RASGRF1: variants seen among roughly 807,000 people sequenced by gnomAD.
RASGRF1 encodes Ras protein specific guanine nucleotide releasing factor 1.
Under a neutral mutation model 138.7 loss-of-function variants are expected in RASGRF1, and 40 were observed. That is an observed-to-expected ratio of 0.29 (90% CI 0.22 to 0.38). RASGRF1 has a LOEUF of 0.38. Ranked by LOEUF, RASGRF1 falls within the 10% of genes least tolerant of loss-of-function variation. RASGRF1 has a pLI of 1.00. For missense variants in RASGRF1, 1,108 were observed against 1,650.4 expected (o/e 0.67, Z 5.69); for synonymous variants, 614 against 663.2 (o/e 0.93, Z 1.14).
intron 13 of RASGRF1, among the ~76,000 whole-genome samples, chr15:79,014,696 C>T (rs1218893427): frequency 1.3e-5 from 2 of 152,028 alleles, no homozygotes; most frequent in East Asian, 1.9e-4. Flanking sequence ...AGGCAGATCA[C>T]GAGATGGTCA....
intron 16 of RASGRF1, 67 bp from the exon 17 acceptor site, chr15:78,999,980 A>G: frequency 6.5e-7 from 1 of 1,533,980 alleles, no homozygotes; most frequent in Non-Finnish European, 9.0e-7. Context: ...TTAGAAAACC[A>G]GGGGTCCCGA....
chr15:79,041,859 A>T (rs938986693), intron 5 of RASGRF1, among the ~76,000 whole-genome samples: 1 of 152,106 alleles, frequency 6.6e-6, no homozygotes, highest in African/African-American at 2.4e-5. Flanking sequence ...TGCAGACAGG[A>T]TGAATTGATT....
At chr15:79,029,611 G>T (rs1459639988) in intron 8 of RASGRF1, among the ~76,000 whole-genome samples, 1 of 152,108 alleles carries the variant, frequency 6.6e-6, no homozygotes, top group Non-Finnish European at 1.5e-5. Context: ...AGAATATAGG[G>T]GTCAGGATAA....
rs1309809935 is a variant in RASGRF1 at position 79,004,117 on chromosome 15, G to A, written c.2134C>T (p.Pro712Ser). 14 of 1,613,308 alleles carry A rather than the reference G, an allele frequency of 8.7e-6. No homozygotes were observed. Among genetic ancestry groups the A allele is most frequent in the Non-Finnish European group, 1.2e-5 (14 of 1,179,766 alleles). The change falls in exon 15 of 27, where the codon CCC becomes TCC. Residue 712 changes from proline (P) to serine (S), a missense_variant. Physicochemically the swap from Pro to Ser is moderately conservative, Grantham distance 74. Coordinates refer to ENST00000558480, the MANE Select transcript of RASGRF1 (RefSeq NM_001145648.3). ...TTGCGGGTGGCGCGCGGGGACTTGG[G>A]GGGTTCACCGTACAGGAGCTTATTG... ...QNNKLLYGEP[P>S]KSPRATRKFS...
rs1567598878 is a variant in RASGRF1 at position 79,061,413 on chromosome 15, A to ATATATAT, written c.384-2933_384-2932insATATATA. Among the ~76,000 whole-genome samples, 20 of 117,054 alleles carry ATATATAT rather than the reference A, an allele frequency of 1.7e-4. No individual in the cohort carries two copies. The East Asian group carries it at 2.6e-3, about 15-fold the overall frequency. 76.8% of individuals were successfully genotyped at this position (117,054 alleles called of 152,430 possible). A position where few individuals can be genotyped will look rare whatever the true frequency, so the allele number is the denominator to read the frequency against. On this transcript the variant is annotated intron_variant, in intron 2 of 26. Transcript: ENST00000558480. ...TAGAAAATTAGAACACTATCTTTAA[A>ATATATAT]ATATATATATATATATATCATTCAT...
chr15:79,010,107 C>G (rs113028897), intron 13 of RASGRF1, among the ~76,000 whole-genome samples: 1 of 149,452 alleles, frequency 6.7e-6, no homozygotes, highest in Non-Finnish European at 1.5e-5. Flanking sequence ...GGCGCAATGT[C>G]GGCTCATGGC....
intron 19 of RASGRF1, 88 bp downstream of exon 19, chr15:78,998,007 CG>C: frequency 8.5e-7 from 1 of 1,171,714 alleles, no homozygotes. Context: ...CTTCACCTCC[CG>C]GGCCTCTGAC....
chr15:79,004,950 C>T, intron 14 of RASGRF1: 1 of 984,842 alleles, frequency 1.0e-6, no homozygotes, highest in Middle Eastern at 5.2e-4. Context: ...AGGGACTCAG[C>T]CAAGGCCATA....
At chr15:78,997,913 T>C in intron 19 of RASGRF1, 183 bp downstream of exon 19, 1 of 593,192 alleles carries the variant, frequency 1.7e-6, no homozygotes, top group Admixed American at 3.0e-5. Context: ...GAAGGACAAA[T>C]AGACTACCCA....
chr15:79,067,278 A>G (rs2057693068), intron 1 of RASGRF1, among the ~76,000 whole-genome samples: 1 of 152,196 alleles, frequency 6.6e-6, no homozygotes, highest in Non-Finnish European at 1.5e-5. Flanking sequence ...CAGTCCAGGC[A>G]GCTGTGAGGG....
chr15:78,979,393 G>T (rs1323121881), intron 24 of RASGRF1: 5 of 273,086 alleles, frequency 1.8e-5, no homozygotes, highest in African/African-American at 4.4e-5. Flanking sequence ...GGGTCTGGGG[G>T]TAGTAAACTC....
chr15:79,000,075 T>C (rs547600792), intron 16 of RASGRF1, among the ~76,000 whole-genome samples, 162 bp from the exon 17 acceptor site: 1 of 152,214 alleles, frequency 6.6e-6, no homozygotes, highest in Non-Finnish European at 1.5e-5. Flanking sequence ...TGTGTGTCTC[T>C]CTCTGTGTTA....
intron 26 of RASGRF1, among the ~76,000 whole-genome samples, chr15:78,969,958 A>G (rs961669014): frequency 5.3e-5 from 8 of 152,228 alleles, no homozygotes; most frequent in Admixed American, 4.6e-4. Context: ...AAGCAAAGCA[A>G]AAGTGGCCAG....
chr15:79,056,186 G>A (rs2057508769), intron 3 of RASGRF1, among the ~76,000 whole-genome samples: 1 of 152,230 alleles, frequency 6.6e-6, no homozygotes, highest in Non-Finnish European at 1.5e-5. Flanking sequence ...GGCGGATAGT[G>A]CACTGGTGCC....
At chr15:79,062,860 T>G (rs1293780464) in intron 2 of RASGRF1, among the ~76,000 whole-genome samples, 1 of 152,112 alleles carries the variant, frequency 6.6e-6, no homozygotes, top group Non-Finnish European at 1.5e-5. Context: ...ATCTACTTTA[T>G]GACACCCAAA....
intron 24 of RASGRF1, among the ~76,000 whole-genome samples, chr15:78,977,128 G>A (rs1217080905): frequency 6.6e-6 from 1 of 150,830 alleles, no homozygotes; most frequent in Non-Finnish European, 1.5e-5. Context: ...AGCTGCCCAT[G>A]CTCTACACCA....
In RASGRF1 at chr15:79,010,368, C is replaced by T. The variant is rs574078146; in HGVS notation, c.1827-3934G>A. Among the ~76,000 whole-genome samples the T allele has an allele frequency of 3.3e-5, 5 of 152,280 alleles. No individual in the cohort carries two copies. The South Asian group carries it at 8.3e-4, about 25-fold the overall frequency. ...TCCAATATTCTGTAGAACTATCCTGCACTTCAGCTTCCCTGTCTGCAAAAT... is the reference window on the plus strand; with the variant it reads ...TCCAATATTCTGTAGAACTATCCTGTACTTCAGCTTCCCTGTCTGCAAAAT... On this transcript the variant is annotated intron_variant, in intron 13 of 26. Transcript: ENST00000558480.
At chr15:78,995,599 G>T in intron 20 of RASGRF1, 141 bp downstream of exon 20, 1 of 1,071,458 alleles carries the variant, frequency 9.3e-7, no homozygotes, top group Non-Finnish European at 1.4e-6. Flanking sequence ...CATTCCTGTT[G>T]TTTTAAGCCG....
chr15:79,019,698 T>G (rs557194699), intron 11 of RASGRF1, among the ~76,000 whole-genome samples: 1 of 152,342 alleles, frequency 6.6e-6, no homozygotes, highest in African/African-American at 2.4e-5. Context: ...ACTGAGATGC[T>G]GTGACCCCAA....
Sources: allele counts gnomAD v4.1 joint callset (sites outside exome capture counted in the v4.1 genomes callset), GRCh38; gene constraint gnomAD v4.1.1; transcripts MANE v1.5; gene names NCBI Gene and HGNC (gene_info 2026-07-23, HGNC 2026-07-21).